Variants in VPS16 observed in about 807,000 individuals in gnomAD.
VPS16 encodes the protein vacuolar protein sorting-associated protein 16 homolog.
VPS16 carries 82 observed loss-of-function variants against 116.0 expected under a neutral mutation model. That is an observed-to-expected ratio of 0.71 (90% CI 0.59 to 0.85). VPS16 has a LOEUF of 0.85. Among genes scored for constraint, VPS16 ranks in the 40% least tolerant of loss-of-function variants. VPS16 has a pLI of 0.00. For missense variants in VPS16, 928 were observed against 1,090.6 expected (o/e 0.85, Z 2.10); for synonymous variants, 406 against 420.7 (o/e 0.96, Z 0.43).
intron 2 of VPS16, 82 bp from the exon 3 acceptor site, chr20:2,859,972 C>T: frequency 6.4e-7 from 1 of 1,569,320 alleles, no homozygotes; most frequent in Non-Finnish European, 8.7e-7. Flanking sequence ...ATGGGGTGGG[C>T]CTGGGGAGCC....
rs775545300 is a variant in VPS16, at chr20:2,866,195, G to A, written c.2272-17G>A. On this transcript the variant is annotated splice_polypyrimidine_tract_variant and intron_variant, in intron 22 of 23. Transcript: ENST00000380445. ...TGTGCATTACCTTCTCCCTCCACCC[G>A]CTTCCTCTCCTCCAAGCCTTTTGTG... is the stretch of plus-strand genomic sequence containing the variant. The A allele has an allele frequency of 5.6e-6, 9 of 1,612,700 alleles. No homozygotes were observed. The highest frequency in any genetic ancestry group is 3.3e-5 in the Admixed American group (2 of 59,904).
At chr20:2,861,201 A>T (rs1487258259) in intron 7 of VPS16, 24 bp from the exon 8 acceptor site, 1 of 1,614,092 alleles carries the variant, frequency 6.2e-7, no homozygotes, top group Non-Finnish European at 8.5e-7. Context: ...GGACAGGGCC[A>T]TGACATTGCC....
At chr20:2,852,856 G>A (rs1005149821) in intron 1 of VPS16, among the ~76,000 whole-genome samples, 1 of 152,124 alleles carries the variant, frequency 6.6e-6, no homozygotes, top group Non-Finnish European at 1.5e-5. Context: ...TGAAGGTTAG[G>A]GTGGCTATCA....
At chr20:2,841,995 T>A (rs1337422772) in intron 1 of VPS16, among the ~76,000 whole-genome samples, 1 of 152,124 alleles carries the variant, frequency 6.6e-6, no homozygotes, top group African/African-American at 2.4e-5. Flanking sequence ...CCTTAAGCAA[T>A]CTATCCACCT....
At chr20:2,842,908 G>GTATC (rs2089021846) in intron 1 of VPS16, among the ~76,000 whole-genome samples, 1 of 1,818 alleles carries the variant, frequency 5.5e-4, no homozygotes, top group Non-Finnish European at 1.5e-3. Flanking sequence ...ATAGATATAT[G>GTATC]TTATGGATTG....
chr20:2,855,288 G>GTT (rs35678700), intron 1 of VPS16, among the ~76,000 whole-genome samples: 4 of 146,130 alleles, frequency 2.7e-5, no homozygotes, highest in East Asian at 2.0e-4. Context: ...AAGGAATCTT[G>GTT]TTTTTTTTTT....
At chr20:2,862,786 T>C in intron 12 of VPS16, 21 bp from the exon 13 acceptor site, 1 of 1,613,526 alleles carries the variant, frequency 6.2e-7, no homozygotes, top group Non-Finnish European at 8.5e-7. Context: ...CTCTCTCCTA[T>C]CGCCCTCTGG....
At position 2,865,582 on chromosome 20, in the gene VPS16, C is replaced by T. The variant is rs1019136102; in HGVS notation, c.2271+87C>T. On this transcript the variant is annotated intron_variant, in intron 22 of 23. Coordinates refer to ENST00000380445, the MANE Select transcript of VPS16 (RefSeq NM_022575.4). This position sits in a 1 kb window ranked among gnomAD's most constrained non-coding sequence, Gnocchi z 5.2. ...AGGCAGGGAGACAGATAGGATGGCC[C>T]GTTCATGCTCCTGTTCAGCTGCCCG... 2.0e-5 allele frequency: 25 copies of T among 1,231,324 alleles called. No homozygotes were observed. The highest frequency in any genetic ancestry group is 2.0e-4 in the Middle Eastern group (1 of 4,980). 76.3% of individuals were successfully genotyped at this position (1,231,324 alleles called of 1,614,324 possible). A position where few individuals can be genotyped will look rare whatever the true frequency, so the allele number is the denominator to read the frequency against.
At chr20:2,847,735 C>G (rs975381804) in intron 1 of VPS16, among the ~76,000 whole-genome samples, 1 of 151,948 alleles carries the variant, frequency 6.6e-6, no homozygotes, top group Non-Finnish European at 1.5e-5. Context: ...TCTCGGCCTC[C>G]GGAAGTGCTA....
chr20:2,849,032 G>A lies in VPS16; in HGVS notation c.53+8205G>A, dbSNP rs1246641053. On this transcript the variant is annotated intron_variant, in intron 1 of 23. Transcript: ENST00000380445. Reference sequence around the variant, plus strand: ...AAGTTAGGTTAGCAGGGCTTTCAAGGAAAAGCTAGTCTCCTTGGAGACAGG... The same window carrying A: ...AAGTTAGGTTAGCAGGGCTTTCAAGAAAAAGCTAGTCTCCTTGGAGACAGG... Among the ~76,000 whole-genome samples, 4 of 152,302 alleles carry A rather than the reference G, an allele frequency of 2.6e-5. No individual in the cohort carries two copies. In the East Asian group the frequency reaches 5.8e-4, roughly 22 times the overall value.
rs756548773 is a variant in VPS16, at chr20:2,864,513, G to A, written c.1819-34G>A. On this transcript the variant is annotated intron_variant, in intron 18 of 23. Coordinates refer to ENST00000380445, the MANE Select transcript of VPS16 (RefSeq NM_022575.4). This position sits in a 1 kb window ranked among gnomAD's most constrained non-coding sequence, Gnocchi z 5.2. ...TGTAGCCTTCTGAGCACTTGAGTTG[G>A]CCTTGCTGACTGATTGCCTGCCTGT... is the stretch of plus-strand genomic sequence containing the variant. 6.2e-7 allele frequency: 1 copy of A among 1,614,110 alleles called. No individual in the cohort carries two copies.
Position 2,866,583 on chromosome 20 carries a change from T to A in VPS16, c.*9T>A. On this transcript the variant is annotated 3_prime_UTR_variant, in exon 24 of 24. Transcript: ENST00000380445. The stretch of plus-strand genomic sequence containing the variant: ...AAGCCCAGAAGAAGTGAGGAGTCCA[T>A]CCTGTACATCTCAAGCAAGGGGTTC... 6.2e-7 allele frequency: 1 copy of A among 1,613,668 alleles called. No individual in the cohort carries two copies. The highest frequency in any genetic ancestry group is 8.5e-7 in the Non-Finnish European group (1 of 1,179,856).
In VPS16 at chr20:2,861,568, C is replaced by T. The variant is rs1228521949; in HGVS notation, c.810-47C>T. The stretch of plus-strand genomic sequence containing the variant: ...GGATTATGAGCAGCCATGTGGGAGA[C>T]ATGGCCATGGGACAGTGTCTAGCCA... On this transcript the variant is annotated intron_variant, in intron 8 of 23. Transcript: ENST00000380445. The T allele has an allele frequency of 3.2e-6, 5 of 1,559,176 alleles. No individual in the cohort carries two copies. In the South Asian group the frequency reaches 3.5e-5, roughly 11 times the overall value.
intron 1 of VPS16, among the ~76,000 whole-genome samples, chr20:2,849,616 G>T (rs6138911): frequency 0.052 from 6,368 of 121,842 alleles, 321 homozygotes; most frequent in Admixed American, 0.15. Context: ...GATTTTTTTT[G>T]GGGGGGGTGG....
intron 1 of VPS16, among the ~76,000 whole-genome samples, chr20:2,854,266 A>ACACACACAC (rs1568624871): frequency 3.2e-5 from 2 of 61,970 alleles, no homozygotes; most frequent in Non-Finnish European, 5.5e-5. Flanking sequence ...CACACACACA[A>ACACACACAC]ATTTTTTAGC....
intron 1 of VPS16, among the ~76,000 whole-genome samples, chr20:2,843,063 G>A (rs895328197): frequency 1.3e-5 from 2 of 152,070 alleles, no homozygotes; most frequent in African/African-American, 4.8e-5. Context: ...ATACTTCCTA[G>A]ATGGACAAGT....
Position 2,864,232 on chromosome 20 carries a change from G to C in VPS16, c.1665G>C (p.Met555Ile), listed in dbSNP as rs750383603. The change falls in exon 17 of 24, where the codon ATG (methionine) becomes ATC (isoleucine). Residue 555 changes from methionine (M) to isoleucine (I), a missense_variant. Met to Ile is a conservative substitution (Grantham distance 10). Transcript: ENST00000380445. This position sits in a 1 kb window ranked among gnomAD's most constrained non-coding sequence, Gnocchi z 5.2. ...SGEQVPLLLKMKRSKLALSKA... is the reference protein window; with the variant it reads ...SGEQVPLLLKIKRSKLALSKA... ...AGCAGGTACCCCTTCTCCTAAAGAT[G>C]AAGAGGAGCAAACTGGCACTAAGCA... The C allele has an allele frequency of 6.2e-7, 1 of 1,614,218 alleles. No individual in the cohort carries two copies. The highest frequency in any genetic ancestry group is 1.1e-5 in the South Asian group (1 of 91,082).
intron 1 of VPS16, among the ~76,000 whole-genome samples, chr20:2,854,432 A>G (rs1398548239): frequency 6.6e-6 from 1 of 152,152 alleles, no homozygotes; most frequent in South Asian, 2.1e-4. Flanking sequence ...ATGTCTTTCT[A>G]AAAACAAAAC....
chr20:2,863,008 G>C lies in VPS16; in HGVS notation c.1332-57G>C. On this transcript the variant is annotated intron_variant, in intron 13 of 23. Transcript: ENST00000380445. This position sits in a 1 kb window ranked among gnomAD's most constrained non-coding sequence, Gnocchi z 4.4. ...GGAAGGGGCTGGAGATGCGTCTGCA[G>C]GTACCTGGCAAGCGGGGCTTATTCT... The C allele has an allele frequency of 6.2e-7, 1 of 1,614,060 alleles. No individual in the cohort carries two copies. The highest frequency in any genetic ancestry group is 2.2e-5 in the East Asian group (1 of 44,886).
Sources: gnomAD v4.1 joint callset for allele counts (sites outside exome capture counted in the v4.1 genomes callset) on GRCh38, gnomAD v4.1.1 for gene constraint, Gnocchi (gnomAD v3.1) non-coding constraint, MANE v1.5 for transcripts, NCBI Gene and HGNC (gene_info 2026-07-23, HGNC 2026-07-21) for gene names.